Variants in DPPA3 observed in about 807,000 individuals in gnomAD.
DPPA3 encodes the protein developmental pluripotency associated 3, also known as developmental pluripotency-associated protein 3.
Under a neutral mutation model 15.6 loss-of-function variants are expected in DPPA3, and 9 were observed. The observed-to-expected ratio is 0.58, with a 90% confidence interval of 0.35 to 1.01. The LOEUF is 1.01. Among genes scored for constraint, DPPA3 ranks in the 50% least tolerant of loss-of-function variants. The probability of loss-of-function intolerance (pLI) is 0.02; values close to 1 mark genes in which losing one functional copy is unlikely to be tolerated. For synonymous variants in DPPA3, 61 were observed against 70.9 expected (o/e 0.86, Z 0.70); for missense variants, 148 against 194.6 (o/e 0.76, Z 1.42).
At chr12:7,714,439 A>G (rs746231173) in intron 1 of DPPA3, among the ~76,000 whole-genome samples, 10 of 152,252 alleles carry the variant, frequency 6.6e-5, no homozygotes, top group Non-Finnish European at 1.5e-4. Flanking sequence ...AGTGGGACCC[A>G]AAGTTTAAAC....
In DPPA3 at chr12:7,715,211, G is replaced by A. The variant is rs907109131; in HGVS notation, c.111G>A (p.Leu37=). The A allele has an allele frequency of 1.2e-6, 2 of 1,613,538 alleles. No homozygotes were observed. Among genetic ancestry groups the A allele is most frequent in the Non-Finnish European group, 1.7e-6 (2 of 1,179,810 alleles). Residue 37 remains leucine (L), a synonymous_variant, in exon 2 of 4, where the codon TTG becomes TTA. Transcript: ENST00000345088. The part of the protein sequence containing the change: ...SGASQISSET[L]IKNLSNLTIN... ...CCTCTCAAATCTCCTCCGAGACGTT[G>A]ATAAAGAACCTTAGTAACTTGACTA... is the stretch of plus-strand genomic sequence containing the variant.
chr12:7,714,953 T>C (rs1366311753), intron 1 of DPPA3, among the ~76,000 whole-genome samples: 1 of 152,080 alleles, frequency 6.6e-6, no homozygotes, highest in African/African-American at 2.4e-5. Context: ...GACCTTATGA[T>C]CTGCCCGCCT....
intron 2 of DPPA3, among the ~76,000 whole-genome samples, chr12:7,715,794 G>A (rs1015276992): frequency 6.6e-6 from 1 of 151,506 alleles, no homozygotes; most frequent in African/African-American, 2.4e-5. Flanking sequence ...CAAAACAAGC[G>A]TCTCAAAAAA....
Position 7,717,527 on chromosome 12 carries a change from C to T in DPPA3, c.*450C>T, listed in dbSNP as rs1257487757. 2 of 153,146 alleles carry T rather than the reference C, an allele frequency of 1.3e-5. No homozygotes were observed. The highest frequency in any genetic ancestry group is 6.5e-5 in the Admixed American group (1 of 15,290). The allele number at this position is 153,146 out of a possible 1,614,324, so 9.5% of individuals were successfully genotyped here. The stretch of plus-strand genomic sequence containing the variant: ...CAGTACAAAAGTGTTTATATAGAAA[C>T]AATAAAGTTGACATTTGAGTACCTT... On this transcript the variant is annotated 3_prime_UTR_variant, in exon 4 of 4. Transcript: ENST00000345088.
At chr12:7,716,117 C>T in intron 2 of DPPA3, 81 bp from the exon 3 acceptor site, 1 of 1,243,682 alleles carries the variant, frequency 8.0e-7, no homozygotes, top group African/African-American at 1.5e-5. Context: ...AATTCCCTAG[C>T]TTCTCTCCCT....
At chr12:7,716,391 T>C (rs1317566371) in intron 3 of DPPA3, 152 bp downstream of exon 3, 4 of 615,336 alleles carry the variant, frequency 6.5e-6, no homozygotes, top group Non-Finnish European at 1.1e-5. Flanking sequence ...AGTCAGTTCA[T>C]GTTTGTAGTT....
chr12:7,717,061 A>C lies in DPPA3; in HGVS notation c.464A>C (p.Lys155Thr). Residue 155 changes from lysine (K) to threonine (T), a missense_variant, in exon 4 of 4, where the codon AAG becomes ACG. Lys to Thr is a moderately conservative substitution (Grantham distance 78). Coordinates refer to ENST00000345088, the MANE Select transcript of DPPA3 (RefSeq NM_199286.4). ...ENARIGNQDT[K>T]PLQP is the part of the protein sequence containing the mutation. ...GCTAGAATAGGGAATCAAGACACCA[A>C]GCCACTTCAGCCATAAATCTTATTC... 1 of 1,612,204 alleles carries C rather than the reference A, an allele frequency of 6.2e-7. No homozygotes were observed. Among genetic ancestry groups the C allele is most frequent in the South Asian group, 1.1e-5 (1 of 90,824 alleles).
At position 7,717,492 on chromosome 12, in the gene DPPA3, T is replaced by G. The variant is rs533764585; in HGVS notation, c.*415T>G. 93 of 156,656 alleles carry G rather than the reference T, an allele frequency of 5.9e-4. No individual in the cohort carries two copies. The highest frequency in any genetic ancestry group is 1.1e-3 in the Non-Finnish European group (77 of 71,212). The allele number at this position is 156,656 out of a possible 1,614,324, so 9.7% of individuals were successfully genotyped here. On this transcript the variant is annotated 3_prime_UTR_variant, in exon 4 of 4. Coordinates refer to ENST00000345088, the MANE Select transcript of DPPA3 (RefSeq NM_199286.4). ...GCAATCACAGCAAACTTTGTTATTT[T>G]TACAGTTTTCAGTACAAAAGTGTTT... is the stretch of plus-strand genomic sequence containing the variant.
chr12:7,713,532 C>T (rs139995114), intron 1 of DPPA3, among the ~76,000 whole-genome samples: 38 of 152,232 alleles, frequency 2.5e-4, no homozygotes, highest in Non-Finnish European at 4.4e-4. Flanking sequence ...GGGCAGTTAA[C>T]GATAACCTTC....
chr12:7,715,098 T>A lies in DPPA3; in HGVS notation c.83-85T>A, dbSNP rs1054701407. On this transcript the variant is annotated intron_variant, in intron 1 of 3. Coordinates refer to ENST00000345088, the MANE Select transcript of DPPA3 (RefSeq NM_199286.4). ...CTGAGGAATTTCCCACACAGCGCCC[T>A]GTTCCCCTGCTTAAGGGCAGACCTA... The A allele has an allele frequency of 5.0e-6, 8 of 1,588,532 alleles. No homozygotes were observed. In the African/African-American group the frequency reaches 1.1e-4, roughly 21 times the overall value.
At chr12:7,711,705 T>C in intron 1 of DPPA3, 53 bp downstream of exon 1, 1 of 1,005,132 alleles carries the variant, frequency 9.9e-7, no homozygotes, top group South Asian at 1.5e-5. Flanking sequence ...GGTTGGGAGG[T>C]CAAAAGGCTG....
intron 2 of DPPA3, 100 bp downstream of exon 2, chr12:7,715,527 G>T: frequency 6.4e-7 from 1 of 1,565,786 alleles, no homozygotes; most frequent in East Asian, 2.3e-5. Flanking sequence ...CCGGTGCGGT[G>T]GCTGAGGCCT....
chr12:7,716,224 G>C lies in DPPA3; in HGVS notation c.354G>C (p.Glu118Asp). The C allele has an allele frequency of 6.2e-7, 1 of 1,601,524 alleles. No individual in the cohort carries two copies. Among genetic ancestry groups the C allele is most frequent in the Non-Finnish European group, 8.5e-7 (1 of 1,175,004 alleles). The part of the protein sequence containing the change: ...RTHERRPTNK[E>D]PKGVKKESRP... ...ATGAAAGAAGACCAACAAACAAGGA[G>C]CCTAAGGGAGTTAAGGTAAGTATAA... Residue 118 changes from glutamate (E) to aspartate (D), a missense_variant, in exon 3 of 4, where the codon GAG (glutamate) becomes GAC (aspartate). Coordinates refer to ENST00000345088, the MANE Select transcript of DPPA3 (RefSeq NM_199286.4).
At chr12:7,716,269 C>CT (rs34547953) in intron 3 of DPPA3, 30 bp downstream of exon 3, 81,745 of 1,251,578 alleles carry the variant, frequency 0.065, 195 homozygotes, top group Middle Eastern at 0.093. Context: ...TTTTATTTTC[C>CT]TTTTTTTTTT....
At chr12:7,714,187 G>A (rs1864374008) in intron 1 of DPPA3, among the ~76,000 whole-genome samples, 1 of 152,046 alleles carries the variant, frequency 6.6e-6, no homozygotes, top group South Asian at 2.1e-4. Flanking sequence ...CCGAGATGGC[G>A]CCACTGCACT....
chr12:7,716,027 T>TG (rs1018558604), intron 2 of DPPA3, among the ~76,000 whole-genome samples, 171 bp from the exon 3 acceptor site: 3 of 151,754 alleles, frequency 2.0e-5, no homozygotes, highest in African/African-American at 7.3e-5. Flanking sequence ...CACTTGAGCC[T>TG]GGGGGGTTAA....
At chr12:7,712,792 G>T (rs1864359117) in intron 1 of DPPA3, among the ~76,000 whole-genome samples, 1 of 152,066 alleles carries the variant, frequency 6.6e-6, no homozygotes, top group Non-Finnish European at 1.5e-5. Flanking sequence ...TCTCCATGTT[G>T]CCCAGGCTGG....
Position 7,711,672 on chromosome 12 carries a change from T to C in DPPA3, c.82+20T>C, listed in dbSNP as rs377544478. 7 of 1,583,806 alleles carry C rather than the reference T, an allele frequency of 4.4e-6. No individual in the cohort carries two copies. The African/African-American group carries it at 6.8e-5, about 15-fold the overall frequency. On this transcript the variant is annotated intron_variant, in intron 1 of 3. Coordinates refer to ENST00000345088, the MANE Select transcript of DPPA3 (RefSeq NM_199286.4). ...ATTCAGGTAAGCCAGATAATGCCCT[T>C]CTTGACTATCTGACTATAGGGGGGT...
At chr12:7,713,855 C>T (rs2136892031) in intron 1 of DPPA3, among the ~76,000 whole-genome samples, 1 of 152,296 alleles carries the variant, frequency 6.6e-6, no homozygotes, top group South Asian at 2.1e-4. Context: ...TGTAAGTGAA[C>T]AAAGCTAGCT....
Sources: allele counts gnomAD v4.1 joint callset (sites outside exome capture counted in the v4.1 genomes callset), GRCh38; gene constraint gnomAD v4.1.1; transcripts MANE v1.5; gene names NCBI Gene and HGNC (gene_info 2026-07-23, HGNC 2026-07-21).